The following SNX29 variants were observed in gnomAD, a reference collection of about 807,000 sequenced individuals.
SNX29 encodes the protein sorting nexin-29.
SNX29 carries 78 observed loss-of-function variants against 102.1 expected under a neutral mutation model. That is an observed-to-expected ratio of 0.76 (90% CI 0.64 to 0.92). The LOEUF is 0.92. Ranked by LOEUF, SNX29 falls within the 40% of genes least tolerant of loss-of-function variation. The pLI is 0.00. For synonymous variants in SNX29, 580 were observed against 414.5 expected, an observed-to-expected ratio of 1.40 and a Z score of -4.85; for missense variants, 1,280 against 1,061.7, an observed-to-expected ratio of 1.21 and a Z score of -2.86.
At chr16:12,045,858 C>A (rs2050066502) in intron 5 of SNX29, among the ~76,000 whole-genome samples, 2 of 152,116 alleles carry the variant, frequency 1.3e-5, no homozygotes, top group South Asian at 4.2e-4. Flanking sequence ...CTCCTGACCT[C>A]AAGTGATCCT....
At chr16:12,089,703 A>T (rs1272533488) in intron 11 of SNX29, 1 of 213,304 alleles carries the variant, frequency 4.7e-6, no homozygotes, top group Admixed American at 6.0e-5. Context: ...GCTCGTGTAG[A>T]TTTTATCCCA....
At chr16:12,503,560 A>C (rs2089226923) in intron 19 of SNX29, among the ~76,000 whole-genome samples, 1 of 152,234 alleles carries the variant, frequency 6.6e-6, no homozygotes, top group Non-Finnish European at 1.5e-5. Context: ...CTCCTAGACT[A>C]GCAAAGTCGT....
intron 15 of SNX29, among the ~76,000 whole-genome samples, chr16:12,329,976 G>A (rs186662287): frequency 6.6e-6 from 1 of 152,310 alleles, no homozygotes; most frequent in African/African-American, 2.4e-5. Context: ...AGCTTGGGCT[G>A]TTGCGTCTGA....
chr16:12,533,068 C>T (rs1035160503), intron 20 of SNX29, among the ~76,000 whole-genome samples: 2 of 152,216 alleles, frequency 1.3e-5, no homozygotes, highest in African/African-American at 4.8e-5. Flanking sequence ...GGTGCCTTTG[C>T]AAGCCACAGC....
intron 20 of SNX29, among the ~76,000 whole-genome samples, chr16:12,548,741 G>T (rs1268137225): frequency 6.6e-6 from 1 of 152,154 alleles, no homozygotes; most frequent in Non-Finnish European, 1.5e-5. Flanking sequence ...GCTCCAAGGT[G>T]TTTTCTGTGC....
chr16:12,297,632 TG>T (rs2080026485), intron 15 of SNX29, among the ~76,000 whole-genome samples: 2 of 152,312 alleles, frequency 1.3e-5, no homozygotes, highest in South Asian at 4.1e-4. Context: ...TGGTGATGGA[TG>T]TGTTAATTTA....
Position 12,555,675 on chromosome 16 carries a change from T to A in SNX29, c.2319-12831T>A, listed in dbSNP as rs146350946. Among the ~76,000 whole-genome samples, 465 of 152,160 alleles carry A rather than the reference T, an allele frequency of 3.1e-3. 1 individual carries two copies. Among genetic ancestry groups the A allele is most frequent in the African/African-American group, 0.01 (416 of 41,530 alleles). ...GACCCTGTCACTCCTGCACGAAGTCTGAGAATAAGCCTTCCGATACTCTAC... is the reference window on the plus strand; with the variant it reads ...GACCCTGTCACTCCTGCACGAAGTCAGAGAATAAGCCTTCCGATACTCTAC... On this transcript the variant is annotated intron_variant, in intron 20 of 20. Coordinates refer to ENST00000566228, the MANE Select transcript of SNX29 (RefSeq NM_032167.5).
intron 6 of SNX29, 99 bp from the exon 7 acceptor site, chr16:12,048,273 C>G: frequency 2.0e-5 from 31 of 1,543,064 alleles, no homozygotes; most frequent in Middle Eastern, 1.7e-4. Context: ...GATCAACGTG[C>G]CTCCTCTTCT....
intron 14 of SNX29, among the ~76,000 whole-genome samples, chr16:12,229,598 G>A (rs2077711672): frequency 6.6e-6 from 1 of 150,504 alleles, no homozygotes; most frequent in Non-Finnish European, 1.5e-5. Context: ...AGAATGGTGG[G>A]GTTTTTTTTT....
rs184729288 is a variant in SNX29, at chr16:12,523,049, C to T, written c.2179-1653C>T. On this transcript the variant is annotated intron_variant, in intron 19 of 20. Coordinates refer to ENST00000566228, the MANE Select transcript of SNX29 (RefSeq NM_032167.5). ...CTGGTCTCAAACTCCTGGGCTCAAG[C>T]GATGCTCCTGCCTCAGCTTCCTAAG... 7.1e-4 allele frequency among the ~76,000 whole-genome samples: 108 copies of T among 152,262 alleles called. No homozygotes were observed. In the East Asian group the frequency reaches 8.7e-3, roughly 12 times the overall value.
chr16:12,559,423 AAAC>A (rs2078583328), intron 20 of SNX29, among the ~76,000 whole-genome samples: 1 of 151,436 alleles, frequency 6.6e-6, no homozygotes, highest in Non-Finnish European at 1.5e-5. Context: ...AGTTGCAGGA[AAAC>A]AAGCTCAGGG....
chr16:12,488,415 T>C (rs7201983), intron 19 of SNX29, among the ~76,000 whole-genome samples: 11,352 of 151,820 alleles, frequency 0.075, 743 homozygotes, highest in East Asian at 0.29. Context: ...CACGGTTGCC[T>C]GATTGACAGT....
At chr16:12,008,191 G>A (rs1362551180) in intron 3 of SNX29, among the ~76,000 whole-genome samples, 3 of 152,128 alleles carry the variant, frequency 2.0e-5, no homozygotes, top group East Asian at 1.9e-4. Context: ...TGATCCGCCC[G>A]CCTCGGCCTC....
At position 12,368,545 on chromosome 16, in the gene SNX29, A is replaced by G. The variant is rs1464420743; in HGVS notation, c.1899+12266A>G. Among the ~76,000 whole-genome samples, 6 of 152,220 alleles carry G rather than the reference A, an allele frequency of 3.9e-5. No homozygotes were observed. The East Asian group carries it at 1.2e-3, about 29-fold the overall frequency. On this transcript the variant is annotated intron_variant, in intron 16 of 20. Coordinates refer to ENST00000566228, the MANE Select transcript of SNX29 (RefSeq NM_032167.5). ...GGAAAATACAGTCCCTGCCTTTGAG[A>G]AGGTCAAAGCCCAGAATATATTTTG...
chr16:12,409,604 T>C (rs756584684), intron 18 of SNX29, among the ~76,000 whole-genome samples: 1 of 151,994 alleles, frequency 6.6e-6, no homozygotes, highest in Non-Finnish European at 1.5e-5. Flanking sequence ...AATTTTTTTG[T>C]ATTTTTAGTA....
At chr16:12,499,480 C>A (rs1191596969) in intron 19 of SNX29, among the ~76,000 whole-genome samples, 5 of 152,198 alleles carry the variant, frequency 3.3e-5, no homozygotes, top group Admixed American at 3.3e-4. Context: ...CTCCCTTAGT[C>A]TGTGCTTAGG....
chr16:12,427,281 T>A (rs1383527891), intron 18 of SNX29, among the ~76,000 whole-genome samples: 1 of 152,080 alleles, frequency 6.6e-6, no homozygotes, highest in African/African-American at 2.4e-5. Context: ...GCTGTTGTTT[T>A]TTTTTGTGAT....
intron 11 of SNX29, among the ~76,000 whole-genome samples, chr16:12,099,730 G>C (rs1467621960): frequency 6.6e-6 from 1 of 152,214 alleles, no homozygotes; most frequent in Non-Finnish European, 1.5e-5. Flanking sequence ...GATTCGTGGA[G>C]TGTGGATCCC....
chr16:12,033,508 A>T (rs1472025308), intron 4 of SNX29, among the ~76,000 whole-genome samples: 1 of 152,064 alleles, frequency 6.6e-6, no homozygotes. Context: ...TCAAAAAGCC[A>T]TTCATGAGCT....
Sources: allele counts gnomAD v4.1 joint callset (sites outside exome capture counted in the v4.1 genomes callset), GRCh38; gene constraint gnomAD v4.1.1; transcripts MANE v1.5; gene names NCBI Gene and HGNC (gene_info 2026-07-23, HGNC 2026-07-21).